The following SLC9A1 variants were observed in gnomAD, a reference collection of about 807,000 sequenced individuals.
SLC9A1 encodes sodium/hydrogen exchanger 1.
Under a neutral mutation model 67.9 loss-of-function variants are expected in SLC9A1, and 22 were observed. That is an observed-to-expected ratio of 0.32 (90% CI 0.23 to 0.46). The LOEUF is 0.46. Ranked by LOEUF, SLC9A1 falls within the 20% of genes least tolerant of loss-of-function variation. The pLI, the probability that SLC9A1 is intolerant of heterozygous loss-of-function variation, is 1.00. For synonymous variants in SLC9A1, 421 were observed against 471.8 expected (o/e 0.89, Z 1.40); for missense variants, 686 against 1,094.8 (o/e 0.63, Z 5.27).
chr1:27,128,482 C>G (rs1232871958), intron 1 of SLC9A1, among the ~76,000 whole-genome samples: 1 of 151,982 alleles, frequency 6.6e-6, no homozygotes, highest in African/African-American at 2.4e-5. Flanking sequence ...GTGGCAAAAC[C>G]CATCTCTACA....
chr1:27,133,118 A>G (rs1238676864), intron 1 of SLC9A1, among the ~76,000 whole-genome samples: 1 of 150,834 alleles, frequency 6.6e-6, no homozygotes, highest in Non-Finnish European at 1.5e-5. Flanking sequence ...CCCAGGCTGG[A>G]GTGCAGTGGT....
rs575132709 is a variant in SLC9A1 at position 27,122,094 on chromosome 1, G to A, written c.353-7808C>T. ...CGCGCCACTGCACTCCAGCCTGGGC[G>A]ACAGAGTGAGACTCCATCTCAAAAA... On this transcript the variant is annotated intron_variant, in intron 1 of 11. Transcript: ENST00000263980. Among the ~76,000 whole-genome samples the A allele has an allele frequency of 1.2e-4, 18 of 152,184 alleles. No homozygotes were observed. In the South Asian group the frequency reaches 1.9e-3, roughly 16 times the overall value.
At chr1:27,108,475 C>T (rs1436173450) in intron 3 of SLC9A1, among the ~76,000 whole-genome samples, 6 of 151,936 alleles carry the variant, frequency 3.9e-5, no homozygotes, top group African/African-American at 9.7e-5. Flanking sequence ...GCCAGGTATT[C>T]GAGACCAGCT....
At chr1:27,150,419 GGA>G (rs2083518672) in intron 1 of SLC9A1, among the ~76,000 whole-genome samples, 1 of 152,204 alleles carries the variant, frequency 6.6e-6, no homozygotes, top group African/African-American at 2.4e-5. Flanking sequence ...AACAATTGCA[GGA>G]GATGCCAGTG....
At chr1:27,112,254 C>T (rs931376818) in intron 2 of SLC9A1, among the ~76,000 whole-genome samples, 1 of 152,128 alleles carries the variant, frequency 6.6e-6, no homozygotes, top group African/African-American at 2.4e-5. Flanking sequence ...CATGAGGAGG[C>T]GTGGGAGGAA....
At chr1:27,129,197 G>A (rs1157733373) in intron 1 of SLC9A1, among the ~76,000 whole-genome samples, 3 of 152,190 alleles carry the variant, frequency 2.0e-5, no homozygotes, top group African/African-American at 4.8e-5. Context: ...CAAGATGGGT[G>A]AGCTTTCCTG....
At chr1:27,108,652 A>G (rs904710491) in intron 3 of SLC9A1, among the ~76,000 whole-genome samples, 4 of 152,058 alleles carry the variant, frequency 2.6e-5, no homozygotes, top group Non-Finnish European at 5.9e-5. Flanking sequence ...CTGGGTGACA[A>G]GAGTGGGACC....
In SLC9A1 at chr1:27,114,934, G is replaced by A. The variant is rs2083255202; in HGVS notation, c.353-648C>T. The stretch of plus-strand genomic sequence containing the variant: ...ACAGTAGGCTTTCCTACTGAGTCCA[G>A]GCAGCTGCTCAAGACACGGCTCAAG... On this transcript the variant is annotated intron_variant, in intron 1 of 11. Coordinates refer to ENST00000263980, the MANE Select transcript of SLC9A1 (RefSeq NM_003047.5). The surrounding 1 kb of genome is among the most constrained non-coding windows in gnomAD (Gnocchi z 5.4). Among the ~76,000 whole-genome samples the A allele has an allele frequency of 6.6e-6, 1 of 152,150 alleles. No individual in the cohort carries two copies. The highest frequency in any genetic ancestry group is 2.1e-4 in the South Asian group (1 of 4,822).
intron 1 of SLC9A1, among the ~76,000 whole-genome samples, chr1:27,134,890 C>T (rs903914529): frequency 1.3e-5 from 2 of 152,068 alleles, no homozygotes; most frequent in Non-Finnish European, 2.9e-5. Context: ...GCATGTGCCA[C>T]CATGCCCAGT....
At chr1:27,127,173 G>A (rs926577258) in intron 1 of SLC9A1, among the ~76,000 whole-genome samples, 1 of 152,064 alleles carries the variant, frequency 6.6e-6, no homozygotes, top group South Asian at 2.1e-4. Flanking sequence ...GCTAGTTTTT[G>A]TATTTTTTGT....
In SLC9A1 at chr1:27,109,624, T is replaced by A. The variant is rs764779520; in HGVS notation, c.967A>T (p.Thr323Ser). ...GVIAAFTSRF[T>S]SHIRVIEPLF... is the part of the protein sequence containing the mutation. ...GGCTCGATGACCCGGATGTGGGAGG[T>A]AAATCGGGAGGTGAAGGCTGCGATG... Residue 323 changes from threonine (T) to serine (S), a missense_variant, in exon 3 of 12, where the codon ACC becomes TCC. Thr to Ser is a moderately conservative substitution (Grantham distance 58). Around this residue, in one of 7 missense-constraint regions of SLC9A1, gnomAD observed 58 missense variants for 68.9 expected, o/e 0.84. Transcript: ENST00000263980. The surrounding 1 kb of genome is among the most constrained non-coding windows in gnomAD (Gnocchi z 5.5). The A allele has an allele frequency of 6.2e-6, 10 of 1,611,308 alleles. No homozygotes were observed. Among genetic ancestry groups the A allele is most frequent in the Non-Finnish European group, 7.6e-6 (9 of 1,179,634 alleles).
chr1:27,120,406 G>C (rs542942501), intron 1 of SLC9A1, among the ~76,000 whole-genome samples: 1 of 151,584 alleles, frequency 6.6e-6, no homozygotes. Flanking sequence ...GATTACAGGC[G>C]TGAGCCACCG....
At chr1:27,120,227 G>A (rs1161067305) in intron 1 of SLC9A1, among the ~76,000 whole-genome samples, 2 of 151,934 alleles carry the variant, frequency 1.3e-5, no homozygotes, top group Non-Finnish European at 2.9e-5. Flanking sequence ...CCGGGTTCAA[G>A]TGATTCTCCT....
At chr1:27,142,479 C>T (rs1296014976) in intron 1 of SLC9A1, among the ~76,000 whole-genome samples, 2 of 152,208 alleles carry the variant, frequency 1.3e-5, no homozygotes, top group Non-Finnish European at 2.9e-5. Context: ...ACCTTCAGTC[C>T]AGGAAACAGC....
At chr1:27,128,408 C>A (rs1169944156) in intron 1 of SLC9A1, among the ~76,000 whole-genome samples, 3 of 152,120 alleles carry the variant, frequency 2.0e-5, no homozygotes, top group African/African-American at 7.2e-5. Flanking sequence ...TGAATCCCAG[C>A]AGCGGGGGAG....
chr1:27,102,229 G>A, intron 8 of SLC9A1, 99 bp from the exon 9 acceptor site: 1 of 1,326,626 alleles, frequency 7.5e-7, no homozygotes, highest in East Asian at 2.3e-5. Flanking sequence ...TGACCCAGGT[G>A]GGCGCCAAAG....
Position 27,124,069 on chromosome 1 carries a change from G to A in SLC9A1, c.353-9783C>T, listed in dbSNP as rs201733256. ...TGTGGCTCCCCAGCTCAGGTGCTCC[G>A]TTCCCCACTCCATCTCTATCCCTGG... On this transcript the variant is annotated intron_variant, in intron 1 of 11. Transcript: ENST00000263980. Among the ~76,000 whole-genome samples, 20 of 152,178 alleles carry A rather than the reference G, an allele frequency of 1.3e-4. No individual in the cohort carries two copies. In the East Asian group the frequency reaches 3.7e-3, roughly 28 times the overall value.
intron 1 of SLC9A1, among the ~76,000 whole-genome samples, chr1:27,135,522 C>CT (rs2083414703): frequency 1.1e-4 from 7 of 64,118 alleles, no homozygotes; most frequent in Non-Finnish European, 5.9e-5. Context: ...TTCCTTTTTT[C>CT]TGGAAAAAAA....
intron 1 of SLC9A1, among the ~76,000 whole-genome samples, chr1:27,124,918 G>A (rs943747393): frequency 4.6e-5 from 7 of 152,052 alleles, no homozygotes; most frequent in African/African-American, 1.2e-4. Flanking sequence ...GGTGTGTTAC[G>A]GTGTGCATGG....
Sources: gnomAD v4.1 joint callset for allele counts (sites outside exome capture counted in the v4.1 genomes callset) on GRCh38, gnomAD v4.1.1 for gene constraint, gnomAD v4.1.1 regional missense constraint, Gnocchi (gnomAD v3.1) non-coding constraint, MANE v1.5 for transcripts, NCBI Gene and HGNC (gene_info 2026-07-23, HGNC 2026-07-21) for gene names.